The following STEAP2 variants were observed in gnomAD, a reference collection of about 807,000 sequenced individuals.
The protein encoded by STEAP2 is metalloreductase STEAP2.
Under a neutral mutation model 46.4 loss-of-function variants are expected in STEAP2, and 30 were observed. The observed-to-expected ratio is 0.65, with a 90% confidence interval of 0.48 to 0.88. The LOEUF (loss-of-function observed/expected upper bound fraction) is 0.88, where lower values mean the gene tolerates loss of function less well. Ranked by LOEUF, STEAP2 falls within the 40% of genes least tolerant of loss-of-function variation. STEAP2 has a pLI of 0.00. For missense variants in STEAP2, 513 were observed against 579.3 expected (o/e 0.89, Z 1.18); for synonymous variants, 180 against 200.5 (o/e 0.90, Z 0.86).
chr7:90,236,353 C>T lies in STEAP2; in HGVS notation c.*3729C>T, dbSNP rs1187507142. On this transcript the variant is annotated 3_prime_UTR_variant, in exon 6 of 6. Transcript: ENST00000394621. ...AAATCCCTGTTTTGAAATACGTAAA[C>T]AGCCTAAAATGTGTTGAAATTATTT... 5 of 982,688 alleles carry T rather than the reference C, an allele frequency of 5.1e-6. No individual in the cohort carries two copies. In the African/African-American group the frequency reaches 8.7e-5, roughly 17 times the overall value. 60.9% of individuals were successfully genotyped at this position (982,688 alleles called of 1,614,324 possible). A position where few individuals can be genotyped will look rare whatever the true frequency, so the allele number is the denominator to read the frequency against.
rs11563932 is a variant in STEAP2 at position 90,234,501 on chromosome 7, T to C, written c.*1877T>C. The stretch of plus-strand genomic sequence containing the variant: ...CCTTGTCAGTTTGGTAATTCACTTA[T>C]GATTTTCTAATGTTCTCTTGGTGAA... On this transcript the variant is annotated 3_prime_UTR_variant, in exon 6 of 6. Coordinates refer to ENST00000394621, the MANE Select transcript of STEAP2 (RefSeq NM_001244944.2). The C allele has an allele frequency of 1.1e-3, 1,052 of 984,922 alleles. 2 individuals carry two copies. Among genetic ancestry groups the C allele is most frequent in the Non-Finnish European group, 1.2e-3 (1,017 of 829,682 alleles). The allele number at this position is 984,922 out of a possible 1,614,324, so 61.0% of individuals were successfully genotyped here.
chr7:90,221,269 A>T (rs1263543784), intron 2 of STEAP2, among the ~76,000 whole-genome samples: 2 of 152,108 alleles, frequency 1.3e-5, no homozygotes, highest in Non-Finnish European at 2.9e-5. Context: ...TTTAGATCTG[A>T]TAACACTTTA....
chr7:90,212,039 C>A lies in STEAP2; in HGVS notation c.-153C>A, dbSNP rs1443013448. On this transcript the variant is annotated 5_prime_UTR_variant, in exon 1 of 6. Coordinates refer to ENST00000394621, the MANE Select transcript of STEAP2 (RefSeq NM_001244944.2). ...TGCCCGGCGTGGAGGGCGCGGGGGG[C>A]GCGGAGGTGAGCGGGTCGGGGAGGA... 6.6e-6 allele frequency: 1 copy of A among 152,666 alleles called. No homozygotes were observed. Among genetic ancestry groups the A allele is most frequent in the African/African-American group, 2.4e-5 (1 of 41,458 alleles). The allele number at this position is 152,666 out of a possible 1,614,324, so 9.5% of individuals were successfully genotyped here.
rs754837619 is a variant in STEAP2 at position 90,236,538 on chromosome 7, A to G, written c.*3914A>G. The G allele has an allele frequency of 4.0e-5, 42 of 1,037,786 alleles. No individual in the cohort carries two copies. The highest frequency in any genetic ancestry group is 4.8e-5 in the Non-Finnish European group (41 of 862,658). 64.3% of individuals were successfully genotyped at this position (1,037,786 alleles called of 1,614,324 possible). A position where few individuals can be genotyped will look rare whatever the true frequency, so the allele number is the denominator to read the frequency against. Reference sequence around the variant, plus strand: ...GGACAAATGATTAGCCCTAAATGAAACTGTAATAATTTCAGTGGAAACTCA... The same window carrying G: ...GGACAAATGATTAGCCCTAAATGAAGCTGTAATAATTTCAGTGGAAACTCA... On this transcript the variant is annotated 3_prime_UTR_variant, in exon 6 of 6. Transcript: ENST00000394621.
chr7:90,240,477 G>A (rs1796048419), downstream of STEAP2, among the ~76,000 whole-genome samples: 1 of 151,978 alleles, frequency 6.6e-6, no homozygotes, highest in Non-Finnish European at 1.5e-5. The surrounding 1 kb of genome is among the most constrained non-coding windows in gnomAD (Gnocchi z 4.1). Flanking sequence ...TGGCATTAGA[G>A]ACTATAAAAT....
downstream of STEAP2, among the ~76,000 whole-genome samples, chr7:90,240,663 T>C (rs1796050090): frequency 6.6e-6 from 1 of 152,186 alleles, no homozygotes; most frequent in Non-Finnish European, 1.5e-5. This position sits in a 1 kb window ranked among gnomAD's most constrained non-coding sequence, Gnocchi z 4.1. Flanking sequence ...TTTTAAAACA[T>C]TTTTAGCTTT....
chr7:90,243,244 G>A, the STEAP2 span, among the ~76,000 whole-genome samples: 3 of 152,120 alleles, frequency 2.0e-5, no homozygotes, highest in African/African-American at 7.2e-5. Context: ...CTAGAAATGA[G>A]GAGAGAAGCT....
downstream of STEAP2, among the ~76,000 whole-genome samples, chr7:90,240,052 G>T (rs575896871): frequency 6.6e-6 from 1 of 152,076 alleles, no homozygotes; most frequent in Non-Finnish European, 1.5e-5. The surrounding 1 kb of genome is among the most constrained non-coding windows in gnomAD (Gnocchi z 4.1). Context: ...TGGGCAGATC[G>T]TTTGAACCCA....
Position 90,227,109 on chromosome 7 carries a change from C to G in STEAP2, c.631C>G (p.Leu211Val). The G allele has an allele frequency of 1.2e-6, 2 of 1,613,870 alleles. No homozygotes were observed. The highest frequency in any genetic ancestry group is 1.7e-6 in the Non-Finnish European group (2 of 1,179,876). Residue 211 changes from leucine to valine, a missense_variant, in exon 4 of 6, where the codon CTC becomes GTC. Transcript: ENST00000394621. ...AAATTTACCCCTACGACTCTTTACT[C>G]TCTGGAGAGGGCCAGTGGTGGTAGC... ...IENLPLRLFT[L>V]WRGPVVVAIS...
chr7:90,215,233 A>C (rs1024468182), intron 1 of STEAP2: 5 of 152,328 alleles, frequency 3.3e-5, no homozygotes, highest in Middle Eastern at 3.4e-3. Context: ...AGCCTCTCCA[A>C]ATCTGCAGGT....
chr7:90,232,212 T>A, intron 5 of STEAP2, 125 bp from the exon 6 acceptor site: 1 of 1,213,986 alleles, frequency 8.2e-7, no homozygotes, highest in East Asian at 2.7e-5. Flanking sequence ...AAAGGTTAAC[T>A]TGATAATTTA....
rs571174172 is a variant in STEAP2, at chr7:90,235,674, T to G, written c.*3050T>G. The G allele has an allele frequency of 4.2e-5, 39 of 926,624 alleles. No individual in the cohort carries two copies. The highest frequency in any genetic ancestry group is 4.9e-5 in the Non-Finnish European group (38 of 776,432). 57.4% of individuals were successfully genotyped at this position (926,624 alleles called of 1,614,324 possible). A position where few individuals can be genotyped will look rare whatever the true frequency, so the allele number is the denominator to read the frequency against. ...AGGAAAATAACCATGAGCTGTATCA[T>G]GCTACTTAGCTTTTATGTAAATATT... On this transcript the variant is annotated 3_prime_UTR_variant, in exon 6 of 6. Transcript: ENST00000394621.
Position 90,234,330 on chromosome 7 carries a change from A to G in STEAP2, c.*1706A>G, listed in dbSNP as rs1230331014. The stretch of plus-strand genomic sequence containing the variant: ...ATTAAAATAGAAAATTATAGGCAAG[A>G]TACAATTATATGCGTTCCTCTTCCT... On this transcript the variant is annotated 3_prime_UTR_variant, in exon 6 of 6. Coordinates refer to ENST00000394621, the MANE Select transcript of STEAP2 (RefSeq NM_001244944.2). 1.0e-6 allele frequency: 1 copy of G among 985,082 alleles called. No homozygotes were observed. The highest frequency in any genetic ancestry group is 1.2e-6 in the Non-Finnish European group (1 of 829,780). 61.0% of individuals were successfully genotyped at this position (985,082 alleles called of 1,614,324 possible).
intron 2 of STEAP2, among the ~76,000 whole-genome samples, chr7:90,220,857 AT>A (rs1795228245): frequency 6.8e-6 from 1 of 147,696 alleles, no homozygotes; most frequent in African/African-American, 2.5e-5. Flanking sequence ...AAATTTTTTG[AT>A]TTCTTCCTTA....
Position 90,235,447 on chromosome 7 carries a change from A to G in STEAP2, c.*2823A>G, listed in dbSNP as rs552860364. 8 of 984,696 alleles carry G rather than the reference A, an allele frequency of 8.1e-6. No homozygotes were observed. The highest frequency in any genetic ancestry group is 4.7e-5 in the South Asian group (1 of 21,276). 61.0% of individuals were successfully genotyped at this position (984,696 alleles called of 1,614,324 possible). A position where few individuals can be genotyped will look rare whatever the true frequency, so the allele number is the denominator to read the frequency against. ...TTTTTTATAATCATTATTTTTCTGA[A>G]CCATTCTTCTGGCCTCAGAAGTAGG... is the stretch of plus-strand genomic sequence containing the variant. On this transcript the variant is annotated 3_prime_UTR_variant, in exon 6 of 6. Transcript: ENST00000394621.
chr7:90,229,769 C>T (rs17862128), intron 4 of STEAP2, 103 bp from the exon 5 acceptor site: 70,349 of 1,484,716 alleles, frequency 0.047, 1,903 homozygotes, highest in South Asian at 0.063. Context: ...AACTTAAATA[C>T]GTCCATATAT....
At position 90,232,225 on chromosome 7, in the gene STEAP2, A is replaced by G. The variant is rs559214031; in HGVS notation, c.1186-112A>G. The G allele has an allele frequency of 9.2e-6, 12 of 1,298,748 alleles. No homozygotes were observed. In the South Asian group the frequency reaches 2.6e-4, roughly 29 times the overall value. 80.5% of individuals were successfully genotyped at this position (1,298,748 alleles called of 1,614,324 possible). ...ACAAAGGTTAACTTGATAATTTAAGACAAAATAGTTTTATCAAAATATAAA... is the reference window on the plus strand; with the variant it reads ...ACAAAGGTTAACTTGATAATTTAAGGCAAAATAGTTTTATCAAAATATAAA... On this transcript the variant is annotated intron_variant, in intron 5 of 5. Transcript: ENST00000394621.
At chr7:90,217,418 C>T (rs1795067962) in intron 2 of STEAP2, among the ~76,000 whole-genome samples, 1 of 152,170 alleles carries the variant, frequency 6.6e-6, no homozygotes, top group Non-Finnish European at 1.5e-5. Context: ...CTCCCATCAA[C>T]ACATCCTTCC....
At position 90,225,497 on chromosome 7, in the gene STEAP2, G is replaced by C. The variant is rs376578471; in HGVS notation, c.415G>C (p.Asp139His). 2 of 1,613,750 alleles carry C rather than the reference G, an allele frequency of 1.2e-6. No homozygotes were observed. Among genetic ancestry groups the C allele is most frequent in the Non-Finnish European group, 1.7e-6 (2 of 1,179,838 alleles). Residue 139 changes from aspartate (D) to histidine (H), a missense_variant, in exon 3 of 6, where the codon GAT becomes CAT. Coordinates refer to ENST00000394621, the MANE Select transcript of STEAP2 (RefSeq NM_001244944.2). Reference protein sequence around the residue: ...NAEYLASLFPDSLIVKGFNVV... With the variant: ...NAEYLASLFPHSLIVKGFNVV... ...TGAATATTTGGCTTCATTATTCCCA[G>C]ATTCTTTGATTGTCAAAGGATTTAA... is the stretch of plus-strand genomic sequence containing the variant.
Sources: gnomAD v4.1 joint callset for allele counts (sites outside exome capture counted in the v4.1 genomes callset) on GRCh38, gnomAD v4.1.1 for gene constraint, Gnocchi (gnomAD v3.1) non-coding constraint, MANE v1.5 for transcripts, NCBI Gene and HGNC (gene_info 2026-07-23, HGNC 2026-07-21) for gene names.